The following NDRG2 variants were observed in gnomAD, a reference collection of about 807,000 sequenced individuals.
NDRG2 encodes the protein protein NDRG2.
A neutral mutation model predicts 58.2 loss-of-function variants in NDRG2; 34 were observed. The observed-to-expected ratio is 0.58, with a 90% CI of 0.44 to 0.78. The LOEUF (loss-of-function observed/expected upper bound fraction) is 0.78, where lower values mean the gene tolerates loss of function less well. Ranked by LOEUF, NDRG2 falls within the 30% of genes least tolerant of loss-of-function variation. The pLI is 0.00. For synonymous variants in NDRG2, 187 were observed against 175.9 expected (o/e 1.06, Z -0.50); for missense variants, 434 against 471.2 (o/e 0.92, Z 0.73).
Position 21,058,488 on chromosome 14 carries a change from C to A in NDRG2, c.24+12340G>T, listed in dbSNP as rs568375895. On this transcript the variant is annotated intron_variant, in intron 1 of 14. Coordinates refer to the NDRG2 transcript ENST00000403829. ...CCTCCCACACACTCAACCTCACATA[C>A]TCTTGGTTTCTTAGGGAGTTTTACA... 1.1e-4 allele frequency: 73 copies of A among 665,026 alleles called. No homozygotes were observed. In the South Asian group the frequency reaches 1.4e-3, roughly 12 times the overall value. The allele number at this position is 665,026 out of a possible 1,614,324, so 41.2% of individuals were successfully genotyped here.
chr14:21,057,949 G>A (rs1238453248), intron 1 of NDRG2: 1 of 1,614,006 alleles, frequency 6.2e-7, no homozygotes. Context: ...TGGGGCTGTG[G>A]GTGGCAGAGG....
At position 21,031,883 on chromosome 14, in the gene NDRG2, G is replaced by A. The variant is rs763550746; in HGVS notation, c.25-8562C>T. ...AGGAAGAGAGCTCAAATCCATCCCTGGCTTGCAGAAAGCAACAACAGTGGG... is the reference window on the plus strand; with the variant it reads ...AGGAAGAGAGCTCAAATCCATCCCTAGCTTGCAGAAAGCAACAACAGTGGG... On this transcript the variant is annotated intron_variant, in intron 1 of 14. Coordinates refer to the NDRG2 transcript ENST00000403829. 2.5e-6 allele frequency: 4 copies of A among 1,611,528 alleles called. No individual in the cohort carries two copies. In the African/African-American group the frequency reaches 4.0e-5, roughly 16 times the overall value.
At chr14:21,020,236 G>C (rs1773121619) in intron 8 of NDRG2, 2 of 533,522 alleles carry the variant, frequency 3.7e-6, no homozygotes, top group Non-Finnish European at 6.7e-6. Context: ...AGAGGTTGCA[G>C]TGAGCCAAGA....
At chr14:21,035,882 G>C (rs1354403409) in intron 1 of NDRG2, 2 of 454,792 alleles carry the variant, frequency 4.4e-6, no homozygotes, top group East Asian at 1.4e-4. Context: ...GGTCCTGCAT[G>C]GTGGTTAAGA....
intron 6 of NDRG2, 120 bp from the exon 7 acceptor site, chr14:21,020,964 C>A: frequency 8.8e-7 from 1 of 1,137,000 alleles, no homozygotes; most frequent in Non-Finnish European, 1.3e-6. Context: ...AAGGCAGACA[C>A]GGACCTTTCT....
chr14:21,045,938 C>T (rs775216550), intron 1 of NDRG2, among the ~76,000 whole-genome samples: 8 of 152,006 alleles, frequency 5.3e-5, no homozygotes, highest in Non-Finnish European at 1.0e-4. Context: ...GCTCATTGAA[C>T]TGTATACTTA....
At chr14:21,069,666 T>C (rs1886517547) in intron 1 of NDRG2, among the ~76,000 whole-genome samples, 1 of 152,210 alleles carries the variant, frequency 6.6e-6, no homozygotes, top group Non-Finnish European at 1.5e-5. Flanking sequence ...GAGCCCATTG[T>C]CAGCCCAGAG....
Position 21,020,690 on chromosome 14 carries a change from G to C in NDRG2, c.468+94C>G. 7 of 1,583,390 alleles carry C rather than the reference G, an allele frequency of 4.4e-6. No individual in the cohort carries two copies. In the South Asian group the frequency reaches 7.8e-5, roughly 18 times the overall value. On this transcript the variant is annotated intron_variant, in intron 7 of 15. Coordinates refer to ENST00000556147, the MANE Select transcript of NDRG2 (RefSeq NM_001320329.2). ...CCCACAGGGCCTGACTCCCCACCTAGTGCCCACTTCCTCCCCCAAACAGCA... is the reference window on the plus strand; with the variant it reads ...CCCACAGGGCCTGACTCCCCACCTACTGCCCACTTCCTCCCCCAAACAGCA...
Position 21,018,824 on chromosome 14 carries a change from C to T in NDRG2, c.762-10G>A. On this transcript the variant is annotated splice_polypyrimidine_tract_variant and intron_variant, in intron 11 of 15. Transcript: ENST00000556147. ...CAGCATCACAGGACACCTAAAGACA[C>T]AGTGTTGGGGAGAAGGCAGTGAGCC... The T allele has an allele frequency of 1.2e-6, 2 of 1,614,160 alleles. No individual in the cohort carries two copies. The highest frequency in any genetic ancestry group is 1.6e-4 in the Middle Eastern group (1 of 6,062).
chr14:21,022,111 G>A lies in NDRG2; in HGVS notation c.295C>T (p.His99Tyr). The A allele has an allele frequency of 6.2e-7, 1 of 1,614,142 alleles. No individual in the cohort carries two copies. The highest frequency in any genetic ancestry group is 8.5e-7 in the Non-Finnish European group (1 of 1,180,032). Residue 99 changes from histidine (H) to tyrosine (Y), a missense_variant, in exon 5 of 16, where the codon CAT becomes TAT. Transcript: ENST00000556147. ...QEIIQNFVRV[H>Y]VDAPGMEEGA... ...TCTTCCATTCCAGGGGCATCCACAT[G>A]AACCCGCACAAAGTTCTGAATGATT...
chr14:21,036,884 C>T (rs1884660712), intron 1 of NDRG2, among the ~76,000 whole-genome samples: 1 of 152,226 alleles, frequency 6.6e-6, no homozygotes, highest in Middle Eastern at 3.2e-3. Context: ...CTGTATTCTT[C>T]AGGCTGCTCA....
intron 7 of NDRG2, 55 bp from the exon 8 acceptor site, chr14:21,020,637 C>G (rs1879640070): frequency 1.9e-6 from 3 of 1,595,824 alleles, no homozygotes; most frequent in Non-Finnish European, 2.6e-6. Context: ...TTATCCCCTC[C>G]CCGCTAAGCT....
At chr14:21,038,503 T>C (rs996909201) in intron 1 of NDRG2, among the ~76,000 whole-genome samples, 4 of 152,198 alleles carry the variant, frequency 2.6e-5, no homozygotes, top group African/African-American at 7.2e-5. Flanking sequence ...AAAGTTTTCC[T>C]GAAGGGTCAC....
rs115637757 is a variant in NDRG2 at position 21,070,024 on chromosome 14, G to A, written c.24+804C>T. 0.013 allele frequency among the ~76,000 whole-genome samples: 2,030 copies of A among 152,240 alleles called. 45 individuals are homozygous for A. Among genetic ancestry groups the A allele is most frequent in the African/African-American group, 0.046 (1,912 of 41,544 alleles). On this transcript the variant is annotated intron_variant, in intron 1 of 14. Coordinates refer to the NDRG2 transcript ENST00000403829. The surrounding 1 kb of genome is among the most constrained non-coding windows in gnomAD (Gnocchi z 4.7). ...AAGAGGGGCATCCTCGGCTGGGCGG[G>A]CCTCCGAGGGTCAGGGTCGAGGTTA...
intron 1 of NDRG2, among the ~76,000 whole-genome samples, chr14:21,040,217 A>C (rs542197000): frequency 3.8e-4 from 58 of 152,320 alleles, no homozygotes; most frequent in African/African-American, 1.3e-3. Flanking sequence ...GGCCTCGCTG[A>C]GGACAAACCA....
At chr14:21,062,729 G>GTGTGTGTGTGTT (rs1886030613) in intron 1 of NDRG2, among the ~76,000 whole-genome samples, 1 of 150,698 alleles carries the variant, frequency 6.6e-6, no homozygotes, top group African/African-American at 2.4e-5. Flanking sequence ...GTGTGTGTGT[G>GTGTGTGTGTGTT]TGTGTGTGTG....
In NDRG2 at chr14:21,025,021, C is replaced by G. The variant is rs1216726629; in HGVS notation, c.-998G>C. ...GCCCTACGGCCCCTCGCCTGCCCCT[C>G]CCCCTACCTGCTGCCGCCGCGGCCG... On this transcript the variant is annotated 5_prime_UTR_variant, in exon 1 of 16. Transcript: ENST00000556147. This position sits in a 1 kb window ranked among gnomAD's most constrained non-coding sequence, Gnocchi z 5.1. 14 of 985,932 alleles carry G rather than the reference C, an allele frequency of 1.4e-5. No homozygotes were observed. The highest frequency in any genetic ancestry group is 1.7e-5 in the Non-Finnish European group (14 of 830,448). 61.1% of individuals were successfully genotyped at this position (985,932 alleles called of 1,614,324 possible). A position where few individuals can be genotyped will look rare whatever the true frequency, so the allele number is the denominator to read the frequency against.
intron 1 of NDRG2, among the ~76,000 whole-genome samples, chr14:21,059,092 A>G (rs1027094121): frequency 1.3e-5 from 2 of 152,206 alleles, no homozygotes; most frequent in African/African-American, 4.8e-5. Context: ...AGTGACAGGA[A>G]GGACAGGCTG....
chr14:21,037,196 GA>G (rs1289149405), intron 1 of NDRG2, among the ~76,000 whole-genome samples: 3 of 152,216 alleles, frequency 2.0e-5, no homozygotes, highest in Non-Finnish European at 4.4e-5. Context: ...AAGCATTCAG[GA>G]CTTAAATGAT....
Sources: gnomAD v4.1 joint callset for allele counts (sites outside exome capture counted in the v4.1 genomes callset) on GRCh38, gnomAD v4.1.1 for gene constraint, Gnocchi (gnomAD v3.1) non-coding constraint, MANE v1.5 for transcripts, NCBI Gene and HGNC (gene_info 2026-07-23, HGNC 2026-07-21) for gene names.